TMEM63B: variants seen among roughly 807,000 people sequenced by gnomAD.
TMEM63B encodes transmembrane protein 63B.
TMEM63B carries 23 observed loss-of-function variants against 102.6 expected under a neutral mutation model. That is an observed-to-expected ratio of 0.22 (90% confidence interval 0.16 to 0.32). The LOEUF is 0.32. Among genes scored for constraint, TMEM63B ranks in the 10% least tolerant of loss-of-function variants. The pLI, the probability that TMEM63B is intolerant of heterozygous loss-of-function variation, is 1.00. For missense variants in TMEM63B, 628 were observed against 1,095.9 expected, an observed-to-expected ratio of 0.57 and a Z score of 6.03; for synonymous variants, 444 against 437.0, an observed-to-expected ratio of 1.02 and a Z score of -0.20.
intron 1 of TMEM63B, among the ~76,000 whole-genome samples, chr6:44,131,824 G>A (rs12212365): frequency 0.61 from 93,281 of 151,682 alleles, 30,126 homozygotes; most frequent in East Asian, 0.82. Flanking sequence ...TTAGCTAGAA[G>A]TAAAATGCTC....
Position 44,151,858 on chromosome 6 carries a change from G to T in TMEM63B, c.1686G>T (p.Leu562=). The change falls in exon 19 of 24, where the codon CTG becomes CTT. Residue 562 remains leucine, a synonymous_variant. Transcript: ENST00000323267. ...EAAIRFECVF[L]PDNGAFFVNY... is the part of the protein sequence containing the mutation. Reference sequence around the variant, plus strand: ...CTGGTGCCCGCAGGTGTGTGTTCCTGCCCGACAACGGCGCCTTCTTCGTGA... The same window carrying T: ...CTGGTGCCCGCAGGTGTGTGTTCCTTCCCGACAACGGCGCCTTCTTCGTGA... 3.7e-6 allele frequency: 6 copies of T among 1,611,476 alleles called. No individual in the cohort carries two copies. Among genetic ancestry groups the T allele is most frequent in the East Asian group, 2.2e-5 (1 of 44,834 alleles).
At chr6:44,143,912 C>G (rs1010548569) in intron 10 of TMEM63B, among the ~76,000 whole-genome samples, 2 of 152,302 alleles carry the variant, frequency 1.3e-5, no homozygotes, top group East Asian at 3.9e-4. Context: ...ATTCATTCAG[C>G]CCACATTTAT....
chr6:44,138,825 A>C (rs1038257680), intron 6 of TMEM63B: 3 of 369,146 alleles, frequency 8.1e-6, no homozygotes, highest in Non-Finnish European at 5.1e-6. Context: ...GAGTGGGGGC[A>C]GCAGTAGGCT....
intron 3 of TMEM63B, 61 bp from the exon 4 acceptor site, chr6:44,135,267 C>G: frequency 6.3e-7 from 1 of 1,585,246 alleles, no homozygotes; most frequent in Non-Finnish European, 8.6e-7. Flanking sequence ...GCCCCTGTTC[C>G]TCACCTGTCC....
At chr6:44,133,944 G>A (rs1762428446) in intron 1 of TMEM63B, among the ~76,000 whole-genome samples, 1 of 152,242 alleles carries the variant, frequency 6.6e-6, no homozygotes, top group South Asian at 2.1e-4. Flanking sequence ...GCTGGGGCCA[G>A]GCAGGTAACT....
chr6:44,147,606 G>A, intron 12 of TMEM63B, 106 bp downstream of exon 12: 1 of 1,477,986 alleles, frequency 6.8e-7, no homozygotes, highest in Non-Finnish European at 9.2e-7. Context: ...TGGAATCCTT[G>A]AAGCCTCAGT....
intron 5 of TMEM63B, 62 bp downstream of exon 5, chr6:44,136,501 G>A: frequency 8.6e-7 from 1 of 1,161,416 alleles, no homozygotes; most frequent in South Asian, 1.3e-5. Flanking sequence ...CATGGGCTGA[G>A]AAGTCCCTCA....
At chr6:44,153,937 A>C in intron 21 of TMEM63B, 94 bp downstream of exon 21, 1 of 1,569,726 alleles carries the variant, frequency 6.4e-7, no homozygotes, top group South Asian at 1.2e-5. Flanking sequence ...TGGGGGTGGC[A>C]GGCAAGGGGC....
intron 10 of TMEM63B, 80 bp downstream of exon 10, chr6:44,141,178 T>C: frequency 7.3e-7 from 1 of 1,365,082 alleles, no homozygotes; most frequent in East Asian, 2.4e-5. Flanking sequence ...AACATCCTTA[T>C]ACCCTAGCCT....
intron 18 of TMEM63B, 91 bp from the exon 19 acceptor site, chr6:44,151,755 G>A: frequency 7.1e-7 from 1 of 1,416,210 alleles, no homozygotes; most frequent in Admixed American, 2.3e-5. Context: ...CATGTTGGTG[G>A]TGGAGGTGTT....
At chr6:44,131,958 C>T (rs1421705074) in intron 1 of TMEM63B, among the ~76,000 whole-genome samples, 1 of 152,194 alleles carries the variant, frequency 6.6e-6, no homozygotes, top group Admixed American at 6.5e-5. Flanking sequence ...GGTATTCTGC[C>T]TCAATGTCTT....
At chr6:44,149,992 C>T (rs1194181939) in intron 16 of TMEM63B, 27 bp downstream of exon 16, 1 of 1,594,198 alleles carries the variant, frequency 6.3e-7, no homozygotes, top group Admixed American at 1.7e-5. Flanking sequence ...CACACCACAC[C>T]TCGCTGTGGC....
chr6:44,142,267 T>TAA (rs57699007), intron 10 of TMEM63B, among the ~76,000 whole-genome samples: 2 of 138,388 alleles, frequency 1.4e-5, no homozygotes, highest in Admixed American at 7.1e-5. Context: ...CCCCATGTCT[T>TAA]AAAAAAAAAA....
chr6:44,134,599 G>C lies in TMEM63B; in HGVS notation c.15G>C (p.Leu5=), dbSNP rs773177861. 1 of 1,614,048 alleles carries C rather than the reference G, an allele frequency of 6.2e-7. No homozygotes were observed. Among genetic ancestry groups the C allele is most frequent in the Non-Finnish European group, 8.5e-7 (1 of 1,179,990 alleles). ...CAGTAGCAGCCATGCTGCCCTTTCTGCTGGCCACACTGGGCACCACAGCCC... is the reference window on the plus strand; with the variant it reads ...CAGTAGCAGCCATGCTGCCCTTTCTCCTGGCCACACTGGGCACCACAGCCC... The part of the protein sequence containing the change: MLPF[L]LATLGTTALN... The change falls in exon 2 of 24, where the codon CTG becomes CTC. Residue 5 remains leucine, a synonymous_variant. Coordinates refer to ENST00000323267, the MANE Select transcript of TMEM63B (RefSeq NM_018426.3).
In TMEM63B at chr6:44,131,536, TG is replaced by T. The variant is rs1332766501; in HGVS notation, c.-24-3023del. The stretch of plus-strand genomic sequence containing the variant: ...GAGATCGAGACCATCCTGGCCAACA[TG>T]GTGAAACCCTGTCTCTACTGAAAAT... On this transcript the variant is annotated intron_variant, in intron 1 of 23. Coordinates refer to ENST00000323267, the MANE Select transcript of TMEM63B (RefSeq NM_018426.3). 8.5e-5 allele frequency among the ~76,000 whole-genome samples: 13 copies of T among 152,080 alleles called. No homozygotes were observed. In the East Asian group the frequency reaches 2.0e-3, roughly 23 times the overall value.
chr6:44,138,435 G>A (rs1462425622), intron 5 of TMEM63B, 45 bp from the exon 6 acceptor site: 1 of 1,613,594 alleles, frequency 6.2e-7, no homozygotes, highest in Non-Finnish European at 8.5e-7. Flanking sequence ...AGAGGTTCGG[G>A]TTGGTGGGCT....
Position 44,148,828 on chromosome 6 carries a change from G to A in TMEM63B, c.1296G>A (p.Leu432=). The A allele has an allele frequency of 1.9e-6, 3 of 1,614,154 alleles. No individual in the cohort carries two copies. The change falls in exon 15 of 24, where the codon CTG becomes CTA. Residue 432 remains leucine, a synonymous_variant. Transcript: ENST00000323267. This position sits in a 1 kb window ranked among gnomAD's most constrained non-coding sequence, Gnocchi z 5.1. ...HLSIRGFIWW[L]RCLVINVVLF... ...CCATCCGAGGCTTCATCTGGTGGCT[G>A]CGCTGCCTGGTCATCAATGTCGTCC...
chr6:44,150,754 G>A lies in TMEM63B; in HGVS notation c.1673+125G>A. ...ACTCCTGGAGGGGGCAGAAGAGAGA[G>A]GATCTGGCGGGGTTACCCCAAAGGC... On this transcript the variant is annotated intron_variant, in intron 18 of 23. Transcript: ENST00000323267. The surrounding 1 kb of genome is among the most constrained non-coding windows in gnomAD (Gnocchi z 4.7). 9.7e-7 allele frequency: 1 copy of A among 1,033,014 alleles called. No homozygotes were observed. Among genetic ancestry groups the A allele is most frequent in the Admixed American group, 2.1e-5 (1 of 48,198 alleles). 64.0% of individuals were successfully genotyped at this position (1,033,014 alleles called of 1,614,324 possible). A position where few individuals can be genotyped will look rare whatever the true frequency, so the allele number is the denominator to read the frequency against.
intron 5 of TMEM63B, 139 bp from the exon 6 acceptor site, chr6:44,138,341 G>T: frequency 9.4e-7 from 1 of 1,064,222 alleles, no homozygotes; most frequent in South Asian, 1.3e-5. Context: ...CTAGTTCTGA[G>T]GGTATAAGGA....
Sources: allele counts gnomAD v4.1 joint callset (sites outside exome capture counted in the v4.1 genomes callset), GRCh38; gene constraint gnomAD v4.1.1; non-coding constraint Gnocchi (gnomAD v3.1); transcripts MANE v1.5; gene names NCBI Gene and HGNC (gene_info 2026-07-23, HGNC 2026-07-21).